The following ORC5 variants were observed in gnomAD, a reference collection of about 807,000 sequenced individuals.
ORC5 encodes the protein protein phosphatase 1, regulatory subunit 117.
In ORC5, 39 loss-of-function variants were observed where a neutral mutation model predicts 58.8. The observed-to-expected ratio is 0.66, with a 90% CI of 0.51 to 0.87. The LOEUF is 0.87. ORC5 is among the 40% of genes least tolerant of loss of function. The pLI, the probability that ORC5 is intolerant of heterozygous loss-of-function variation, is 0.00. For missense variants in ORC5, 493 were observed against 506.3 expected (o/e 0.97, Z 0.25); for synonymous variants, 218 against 177.6 (o/e 1.23, Z -1.81).
intron 6 of ORC5, among the ~76,000 whole-genome samples, chr7:104,185,429 A>G (rs1448867874): frequency 6.6e-6 from 1 of 152,190 alleles, no homozygotes; most frequent in Non-Finnish European, 1.5e-5. Context: ...GAACCATAAA[A>G]CATATAATGA....
At chr7:104,195,290 T>TA in intron 4 of ORC5, 36 bp from the exon 5 acceptor site, 1 of 1,196,150 alleles carries the variant, frequency 8.4e-7, no homozygotes, top group Non-Finnish European at 1.2e-6. Context: ...ACTTCGCATT[T>TA]AAAAATCTTA....
intron 5 of ORC5, 26 bp from the exon 6 acceptor site, chr7:104,188,407 A>G (rs377080631): frequency 1.3e-6 from 2 of 1,593,426 alleles, no homozygotes; most frequent in Admixed American, 1.7e-5. Context: ...AAAATAACTT[A>G]TAATGATTAA....
intron 12 of ORC5, among the ~76,000 whole-genome samples, chr7:104,157,826 C>A (rs757974399): frequency 6.6e-6 from 1 of 152,056 alleles, no homozygotes; most frequent in Non-Finnish European, 1.5e-5. Flanking sequence ...GCTACTATTA[C>A]AATCACAACT....
Position 104,127,243 on chromosome 7 carries a change from A to G in ORC5, c.1263-350T>C, listed in dbSNP as rs977851611. 1.3e-5 allele frequency among the ~76,000 whole-genome samples: 2 copies of G among 152,222 alleles called. 1 individual carries two copies. Among genetic ancestry groups the G allele is most frequent in the South Asian group, 4.1e-4 (2 of 4,832 alleles). Reference sequence around the variant, plus strand: ...CCAGAATAAAGTAATTAGAGATTCAAAAGTATTTAAATCTTCTTTGCTTCT... The same window carrying G: ...CCAGAATAAAGTAATTAGAGATTCAGAAGTATTTAAATCTTCTTTGCTTCT... On this transcript the variant is annotated intron_variant, in intron 13 of 13. Transcript: ENST00000297431.
intron 8 of ORC5, among the ~76,000 whole-genome samples, chr7:104,170,831 T>C (rs1799198146): frequency 6.6e-6 from 1 of 152,210 alleles, no homozygotes; most frequent in African/African-American, 2.4e-5. Flanking sequence ...CTTTTCTGTC[T>C]TCAGGAGCTC....
In ORC5 at chr7:104,129,236, A is replaced by C. The variant is rs1303323404; in HGVS notation, c.1263-2343T>G. ...ACTATAGCATTAGAATAGTTTGTAC[A>C]ATAAATAAATAACAGAACAGACTTA... On this transcript the variant is annotated intron_variant, in intron 13 of 13. Transcript: ENST00000297431. This position sits in a 1 kb window ranked among gnomAD's most constrained non-coding sequence, Gnocchi z 4.9. 6.6e-6 allele frequency among the ~76,000 whole-genome samples: 1 copy of C among 152,178 alleles called. No individual in the cohort carries two copies. The highest frequency in any genetic ancestry group is 2.4e-5 in the African/African-American group (1 of 41,456).
intron 4 of ORC5, among the ~76,000 whole-genome samples, chr7:104,195,898 T>C (rs1395621552): frequency 6.6e-6 from 1 of 152,212 alleles, no homozygotes; most frequent in Non-Finnish European, 1.5e-5. Context: ...AATGTTCTCA[T>C]CTATTCATCT....
At chr7:104,187,782 T>C (rs1261566155) in intron 6 of ORC5, 2 of 983,602 alleles carry the variant, frequency 2.0e-6, no homozygotes, top group African/African-American at 1.7e-5. Context: ...CAGTGGTTAA[T>C]GAAAGACCTG....
intron 6 of ORC5, among the ~76,000 whole-genome samples, chr7:104,185,871 T>C (rs919909567): frequency 2.0e-5 from 3 of 151,928 alleles, no homozygotes; most frequent in Non-Finnish European, 1.5e-5. Context: ...AAAAGATATA[T>C]ATAAATGTGT....
chr7:104,134,409 T>C (rs1584476107), intron 13 of ORC5, among the ~76,000 whole-genome samples: 1 of 86,346 alleles, frequency 1.2e-5, no homozygotes, highest in Admixed American at 2.0e-4. Context: ...AGCAAGACAC[T>C]CCATCTCAAA....
At chr7:104,179,129 TTAAGAGAC>T (rs1300201953) in intron 8 of ORC5, among the ~76,000 whole-genome samples, 1 of 141,120 alleles carries the variant, frequency 7.1e-6, no homozygotes, top group African/African-American at 2.7e-5. Context: ...TTTTTTTTTT[TTAAGAGAC>T]AGGGTCTCAC....
At chr7:104,186,912 C>A (rs1262978315) in intron 6 of ORC5, among the ~76,000 whole-genome samples, 1 of 152,112 alleles carries the variant, frequency 6.6e-6, no homozygotes, top group African/African-American at 2.4e-5. Flanking sequence ...TAAATAAAAT[C>A]ATTCCACAGT....
chr7:104,143,333 A>C (rs913971837), intron 12 of ORC5, among the ~76,000 whole-genome samples: 2 of 152,180 alleles, frequency 1.3e-5, no homozygotes, highest in African/African-American at 4.8e-5. Flanking sequence ...GAAAAACACA[A>C]AATCTGTCTT....
chr7:104,206,909 C>T (rs1800100847), intron 1 of ORC5, among the ~76,000 whole-genome samples: 1 of 152,096 alleles, frequency 6.6e-6, no homozygotes, highest in Admixed American at 6.5e-5. Flanking sequence ...ACCATACAGC[C>T]TAGGTGTATA....
chr7:104,188,217 C>CACACACAT lies in ORC5; in HGVS notation c.684+33_684+34insATGTGTGT, dbSNP rs34389841. ...GTATACACACACACACACACACACACATATATATATATTCAAGCAAAATGT... is the reference window on the plus strand; with the variant it reads ...GTATACACACACACACACACACACACACACACATATATATATATATTCAAGCAAAATGT... On this transcript the variant is annotated intron_variant, in intron 6 of 13. Coordinates refer to ENST00000297431, the MANE Select transcript of ORC5 (RefSeq NM_002553.4). 123 of 1,178,340 alleles carry CACACACAT rather than the reference C, an allele frequency of 1.0e-4. No homozygotes were observed. In the Middle Eastern group the frequency reaches 2.4e-3, roughly 23 times the overall value. 73.0% of individuals were successfully genotyped at this position (1,178,340 alleles called of 1,614,324 possible). A position where few individuals can be genotyped will look rare whatever the true frequency, so the allele number is the denominator to read the frequency against.
In ORC5 at chr7:104,129,039, A is replaced by G. The variant is rs1798472427; in HGVS notation, c.1263-2146T>C. 6.6e-6 allele frequency among the ~76,000 whole-genome samples: 1 copy of G among 152,152 alleles called. No homozygotes were observed. Among genetic ancestry groups the G allele is most frequent in the South Asian group, 2.1e-4 (1 of 4,834 alleles). On this transcript the variant is annotated intron_variant, in intron 13 of 13. Coordinates refer to ENST00000297431, the MANE Select transcript of ORC5 (RefSeq NM_002553.4). This position sits in a 1 kb window ranked among gnomAD's most constrained non-coding sequence, Gnocchi z 4.9. ...TATACAGCCATACAAAATGATCAAT[A>G]TGAAGATATACCAGCAATATTAAGG...
intron 12 of ORC5, among the ~76,000 whole-genome samples, chr7:104,140,954 C>A (rs758646272): frequency 3.9e-5 from 6 of 152,084 alleles, no homozygotes; most frequent in Non-Finnish European, 7.3e-5. Context: ...TTAATTTAAC[C>A]AACATTAAAA....
intron 13 of ORC5, among the ~76,000 whole-genome samples, chr7:104,127,108 T>C (rs1219406788): frequency 6.6e-6 from 1 of 152,124 alleles, no homozygotes; most frequent in Non-Finnish European, 1.5e-5. Context: ...GCACGAAGTT[T>C]GCCTTTCTAA....
At chr7:104,174,247 A>C (rs1215248763) in intron 8 of ORC5, among the ~76,000 whole-genome samples, 2 of 152,192 alleles carry the variant, frequency 1.3e-5, no homozygotes, top group Non-Finnish European at 2.9e-5. Context: ...AAGAATCTAC[A>C]AGAAGCAAAA....
Sources: allele counts gnomAD v4.1 joint callset (sites outside exome capture counted in the v4.1 genomes callset), GRCh38; gene constraint gnomAD v4.1.1; non-coding constraint Gnocchi (gnomAD v3.1); transcripts MANE v1.5; gene names NCBI Gene and HGNC (gene_info 2026-07-23, HGNC 2026-07-21).